The following ADAM22 variants were observed in gnomAD, a reference collection of about 807,000 sequenced individuals.
ADAM22 encodes the protein ADAM metallopeptidase domain 22.
A neutral mutation model predicts 144.6 loss-of-function variants in ADAM22; 65 were observed. The ratio of observed to expected loss-of-function variants is 0.45; its 90% CI spans 0.37 to 0.55. The LOEUF is 0.55. Among genes scored for constraint, ADAM22 ranks in the 20% least tolerant of loss-of-function variants. ADAM22 has a pLI of 0.00. For synonymous variants in ADAM22, 391 were observed against 412.6 expected (o/e 0.95, Z 0.63); for missense variants, 974 against 1,184.9 (o/e 0.82, Z 2.61).
chr7:88,156,046 A>G (rs1839852967), intron 22 of ADAM22, 40 bp downstream of exon 22: 1 of 1,606,118 alleles, frequency 6.2e-7, no homozygotes, highest in African/African-American at 1.3e-5. Flanking sequence ...GAGTCATCTT[A>G]TTTCTCAGGA....
chr7:88,034,831 G>C (rs973163441), intron 3 of ADAM22, among the ~76,000 whole-genome samples: 1 of 152,152 alleles, frequency 6.6e-6, no homozygotes, highest in Non-Finnish European at 1.5e-5. Flanking sequence ...CACAATTGCT[G>C]TGCTCTCCCT....
rs1174850456 is a variant in ADAM22, at chr7:88,125,672, A to G, written c.678+13A>G. 1.3e-6 allele frequency: 2 copies of G among 1,572,074 alleles called. No homozygotes were observed. Among genetic ancestry groups the G allele is most frequent in the African/African-American group, 2.8e-5 (2 of 71,976 alleles). ...GAGTAAACGGCAGGTATGTATTCAC[A>G]GTGGTGTGTCGTGTTATTTTAAAAC... On this transcript the variant is annotated intron_variant, in intron 8 of 31. Transcript: ENST00000413139.
At chr7:88,012,974 G>A (rs1264455681) in intron 3 of ADAM22, among the ~76,000 whole-genome samples, 7 of 152,134 alleles carry the variant, frequency 4.6e-5, no homozygotes, top group African/African-American at 1.7e-4. Flanking sequence ...TTTCCCTCTA[G>A]AGCCAAGGAC....
At chr7:88,181,905 A>G (rs1438962731) in intron 28 of ADAM22, 53 bp from the exon 29 acceptor site, 3 of 1,511,530 alleles carry the variant, frequency 2.0e-6, no homozygotes, top group African/African-American at 1.4e-5. Flanking sequence ...GTAATTAGAC[A>G]TAGGGCAATC....
At chr7:88,064,091 A>G (rs1275111771) in intron 3 of ADAM22, among the ~76,000 whole-genome samples, 2 of 152,308 alleles carry the variant, frequency 1.3e-5, no homozygotes, top group Middle Eastern at 3.4e-3. Flanking sequence ...GTTAGTCCAG[A>G]TGTGAGCAGG....
intron 20 of ADAM22, among the ~76,000 whole-genome samples, chr7:88,151,620 C>T (rs1440313412): frequency 6.6e-6 from 1 of 152,196 alleles, no homozygotes; most frequent in African/African-American, 2.4e-5. Context: ...ACCTGGATTT[C>T]AGCTCCATGT....
chr7:88,134,905 GGTA>G (rs1379776402), intron 13 of ADAM22, among the ~76,000 whole-genome samples: 1 of 151,812 alleles, frequency 6.6e-6, no homozygotes, highest in Non-Finnish European at 1.5e-5. Flanking sequence ...TTCTCAAGTA[GGTA>G]AAGTCACTTT....
intron 3 of ADAM22, among the ~76,000 whole-genome samples, chr7:88,068,106 T>C (rs1370369065): frequency 6.6e-6 from 1 of 151,392 alleles, no homozygotes; most frequent in Non-Finnish European, 1.5e-5. Context: ...TTCTCAGTGA[T>C]ATTTATTCAT....
chr7:88,134,561 G>T, intron 13 of ADAM22, 142 bp downstream of exon 13: 2 of 580,018 alleles, frequency 3.4e-6, no homozygotes, highest in South Asian at 2.1e-5. Context: ...CGCACAAACT[G>T]TTGTTTTCCA....
At chr7:88,065,396 A>G (rs1810976984) in intron 3 of ADAM22, among the ~76,000 whole-genome samples, 1 of 152,064 alleles carries the variant, frequency 6.6e-6, no homozygotes, top group Admixed American at 6.6e-5. Context: ...TTTGTGAATA[A>G]CATTGGGTGA....
intron 3 of ADAM22, among the ~76,000 whole-genome samples, chr7:88,032,001 T>C (rs1265972405): frequency 2.6e-5 from 4 of 152,148 alleles, no homozygotes; most frequent in African/African-American, 4.8e-5. Flanking sequence ...AGAGGATGTA[T>C]AGAAATACCT....
chr7:88,099,893 C>T (rs998805951), intron 4 of ADAM22, among the ~76,000 whole-genome samples: 2 of 152,028 alleles, frequency 1.3e-5, no homozygotes, highest in African/African-American at 2.4e-5. Flanking sequence ...CTCAAAACAT[C>T]TAAATACTAT....
chr7:87,970,842 TGAATTTA>T (rs1314007667), intron 2 of ADAM22, among the ~76,000 whole-genome samples: 2 of 152,236 alleles, frequency 1.3e-5, no homozygotes, highest in African/African-American at 4.8e-5. Flanking sequence ...GATTCATTTT[TGAATTTA>T]GAATTTAGAA....
intron 29 of ADAM22, chr7:88,182,245 C>T: frequency 4.4e-6 from 2 of 454,168 alleles, no homozygotes; most frequent in Non-Finnish European, 7.7e-6. Context: ...TAGTGGGGGT[C>T]TCACCTGCAG....
At chr7:87,992,917 C>T (rs1440627552) in intron 3 of ADAM22, among the ~76,000 whole-genome samples, 3 of 152,054 alleles carry the variant, frequency 2.0e-5, no homozygotes, top group African/African-American at 7.3e-5. Context: ...TTGGCTAGAA[C>T]TGGGTCAAAA....
chr7:88,039,464 A>AAAAAAAAAAAATATATATATATAT, intron 3 of ADAM22, among the ~76,000 whole-genome samples: 1 of 76,404 alleles, frequency 1.3e-5, no homozygotes, highest in African/African-American at 4.7e-5. Flanking sequence ...AAAAAAAAAA[A>AAAAAAAAAAAATATATATATATAT]ATATATATAT....
chr7:88,008,203 C>T (rs1470737414), intron 3 of ADAM22, among the ~76,000 whole-genome samples: 96 of 151,036 alleles, frequency 6.4e-4, no homozygotes, highest in African/African-American at 2.2e-3. Flanking sequence ...CAATGAGATA[C>T]CATCTCACAC....
intron 3 of ADAM22, among the ~76,000 whole-genome samples, chr7:88,055,215 A>G (rs1476150199): frequency 6.6e-6 from 1 of 151,964 alleles, no homozygotes; most frequent in Non-Finnish European, 1.5e-5. Flanking sequence ...AAAGACTGAG[A>G]GGGAAGGAAG....
At chr7:88,103,096 G>A (rs529303497) in intron 4 of ADAM22, among the ~76,000 whole-genome samples, 2 of 152,088 alleles carry the variant, frequency 1.3e-5, no homozygotes, top group African/African-American at 4.8e-5. Context: ...AGAGAAGGAG[G>A]GGTTAGCAGG....
Sources: allele counts gnomAD v4.1 joint callset (sites outside exome capture counted in the v4.1 genomes callset), GRCh38; gene constraint gnomAD v4.1.1; transcripts MANE v1.5; gene names NCBI Gene and HGNC (gene_info 2026-07-23, HGNC 2026-07-21).